MFGE8: variants seen among roughly 807,000 people sequenced by gnomAD.
MFGE8 encodes the protein lactadherin.
MFGE8 carries 34 observed loss-of-function variants against 42.6 expected under a neutral mutation model. The observed-to-expected ratio is 0.80, with a 90% CI of 0.61 to 1.06. MFGE8 has a LOEUF of 1.06. MFGE8 is among the 50% of genes least tolerant of loss of function. The probability of loss-of-function intolerance (pLI) is 0.00; values close to 1 mark genes in which losing one functional copy is unlikely to be tolerated. For missense variants in MFGE8, 510 were observed against 516.9 expected, an observed-to-expected ratio of 0.99 and a Z score of 0.13; for synonymous variants, 230 against 214.8, an observed-to-expected ratio of 1.07 and a Z score of -0.62.
At chr15:88,909,993 G>C in intron 1 of MFGE8, 70 bp from the exon 2 acceptor site, 2 of 1,592,580 alleles carry the variant, frequency 1.3e-6, no homozygotes, top group Non-Finnish European at 1.7e-6. Flanking sequence ...AGAAGTAGCA[G>C]ATGGGTCCAG....
chr15:88,900,243 GAA>G (rs5814347), intron 6 of MFGE8, among the ~76,000 whole-genome samples: 34 of 106,922 alleles, frequency 3.2e-4, no homozygotes, highest in African/African-American at 4.8e-4. Flanking sequence ...CTCTGTCTCA[GAA>G]AAAAAAAAAA....
At position 88,909,907 on chromosome 15, in the gene MFGE8, GT is replaced by G; in HGVS notation, c.89del (p.Asn30ThrfsTer64). 2.5e-6 allele frequency: 4 copies of G among 1,614,182 alleles called. No individual in the cohort carries two copies. The highest frequency in any genetic ancestry group is 3.4e-6 in the Non-Finnish European group (4 of 1,180,010). ...CGCATAAACCACCGTTGTGGCAGGG[GT>G]TTTTGGAACAGATATCTGGGGACAG... Reference protein sequence around the residue: ...LLVALDICSKNPCHNGGLCEE... With the variant: ...LLVALDICSKXPCHNGGLCEE... On this transcript the variant is annotated frameshift_variant, in exon 2 of 8. Transcript: ENST00000268150. LOFTEE classifies it high-confidence loss of function.
Position 88,905,965 on chromosome 15 carries a change from ACCT to A in MFGE8, c.541-67_541-65del. The A allele has an allele frequency of 6.3e-7, 1 of 1,592,442 alleles. No homozygotes were observed. The highest frequency in any genetic ancestry group is 8.6e-7 in the Non-Finnish European group (1 of 1,161,132). ...CTGAGCAGTCCCCCTCCCTGGGGTTACCTCATCTTCCTCTTCAGACCTGGGAGG... is the reference window on the plus strand; with the variant it reads ...CTGAGCAGTCCCCCTCCCTGGGGTTACATCTTCCTCTTCAGACCTGGGAGG... On this transcript the variant is annotated intron_variant, in intron 4 of 7. Transcript: ENST00000268150. The surrounding 1 kb of genome is among the most constrained non-coding windows in gnomAD (Gnocchi z 6.6).
rs1898277191 is a variant in MFGE8 at position 88,899,815 on chromosome 15, C to G, written c.871-4G>C. 6.2e-7 allele frequency: 1 copy of G among 1,613,950 alleles called. No homozygotes were observed. The highest frequency in any genetic ancestry group is 2.2e-5 in the East Asian group (1 of 44,884). On this transcript the variant is annotated splice_region_variant and splice_polypyrimidine_tract_variant and intron_variant, in intron 6 of 7. Transcript: ENST00000268150. This position sits in a 1 kb window ranked among gnomAD's most constrained non-coding sequence, Gnocchi z 6.8. Reference sequence around the variant, plus strand: ...CCTTCGAGGAGCCCAGGTCCACCTACAGAAGAAACCAACCACATTTTCTCT... The same window carrying G: ...CCTTCGAGGAGCCCAGGTCCACCTAGAGAAGAAACCAACCACATTTTCTCT...
Position 88,906,318 on chromosome 15 carries a change from C to T in MFGE8, c.540+308G>A, listed in dbSNP as rs1257837433. 2.1e-6 allele frequency: 1 copy of T among 469,434 alleles called. No homozygotes were observed. Among genetic ancestry groups the T allele is most frequent in the Non-Finnish European group, 3.9e-6 (1 of 254,840 alleles). The allele number at this position is 469,434 out of a possible 1,614,324, so 29.1% of individuals were successfully genotyped here. A position where few individuals can be genotyped will look rare whatever the true frequency, so the allele number is the denominator to read the frequency against. On this transcript the variant is annotated intron_variant, in intron 4 of 7. Transcript: ENST00000268150. The surrounding 1 kb of genome is among the most constrained non-coding windows in gnomAD (Gnocchi z 4.2). Reference sequence around the variant, plus strand: ...ACATCCTTGAGCAGTGTACAACCTACACAACTGTACATGTACCCATGAAGG... The same window carrying T: ...ACATCCTTGAGCAGTGTACAACCTATACAACTGTACATGTACCCATGAAGG...
rs1048031670 is a variant in MFGE8 at position 88,899,061 on chromosome 15, C to T, written c.*334G>A. The T allele has an allele frequency of 2.4e-5, 10 of 409,716 alleles. No homozygotes were observed. The highest frequency in any genetic ancestry group is 1.0e-4 in the East Asian group (2 of 19,136). 25.4% of individuals were successfully genotyped at this position (409,716 alleles called of 1,614,324 possible). A position where few individuals can be genotyped will look rare whatever the true frequency, so the allele number is the denominator to read the frequency against. ...AGGGGCTAGGAGAGACAGAGACACA[C>T]GCACCTGGGATCGGCGGTCCGGACA... On this transcript the variant is annotated 3_prime_UTR_variant, in exon 8 of 8. Transcript: ENST00000268150. This position sits in a 1 kb window ranked among gnomAD's most constrained non-coding sequence, Gnocchi z 6.8.
intron 1 of MFGE8, 133 bp from the exon 2 acceptor site, chr15:88,910,056 C>T: frequency 1.7e-6 from 2 of 1,156,652 alleles, no homozygotes; most frequent in Non-Finnish European, 2.6e-6. Context: ...TCTCCCTCTT[C>T]CCCCGTGTGC....
At chr15:88,901,869 C>T (rs1898452594) in intron 5 of MFGE8, 134 bp from the exon 6 acceptor site, 2 of 868,130 alleles carry the variant, frequency 2.3e-6, no homozygotes, top group Non-Finnish European at 3.7e-6. Flanking sequence ...CAGAAAGCAG[C>T]TCCATCCGCC....
Position 88,899,768 on chromosome 15 carries a change from T to C in MFGE8, c.914A>G (p.Gln305Arg). The C allele has an allele frequency of 6.2e-7, 1 of 1,614,094 alleles. No homozygotes were observed. The highest frequency in any genetic ancestry group is 8.5e-7 in the Non-Finnish European group (1 of 1,179,962). Reference sequence around the variant, plus strand: ...GACAGAGCCAAAGTTACGGGCCCCCTGGGTGATGATGCCTGTCACCTCCTT... The same window carrying C: ...GACAGAGCCAAAGTTACGGGCCCCCCGGGTGATGATGCCTGTCACCTCCTT... ...SSKEVTGIIT[Q>R]GARNFGSVQF... The change falls in exon 7 of 8, where the codon CAG becomes CGG. Residue 305 changes from glutamine (Q) to arginine (R), a missense_variant. Transcript: ENST00000268150. This position sits in a 1 kb window ranked among gnomAD's most constrained non-coding sequence, Gnocchi z 6.8.
chr15:88,909,768 C>T, intron 2 of MFGE8, 24 bp downstream of exon 2: 1 of 1,613,496 alleles, frequency 6.2e-7, no homozygotes, highest in South Asian at 1.1e-5. Context: ...TAGAAACAGG[C>T]AACAAGCACC....
At chr15:88,900,964 T>TACACACACATTCAC (rs767201372) in intron 6 of MFGE8, among the ~76,000 whole-genome samples, 4 of 82,632 alleles carry the variant, frequency 4.8e-5, no homozygotes, top group Admixed American at 1.4e-4. Flanking sequence ...TGTACACACA[T>TACACACACATTCAC]ACACACACAT....
At chr15:88,907,081 T>G in intron 3 of MFGE8, 114 bp downstream of exon 3, 3 of 1,344,136 alleles carry the variant, frequency 2.2e-6, no homozygotes, top group South Asian at 1.3e-5. Context: ...TGGGAACCTG[T>G]TACCTTGCCA....
chr15:88,912,933 A>G lies in MFGE8; in HGVS notation c.73+314T>C, dbSNP rs921094109. ...AAGTCAAACGCAGTTCCCTGGCCTC[A>G]TTTTTCACCAGGGAAAAGAGAGGCC... On this transcript the variant is annotated intron_variant, in intron 1 of 7. Coordinates refer to ENST00000268150, the MANE Select transcript of MFGE8 (RefSeq NM_005928.4). 3.0e-6 allele frequency: 3 copies of G among 985,208 alleles called. No homozygotes were observed. In the African/African-American group the frequency reaches 5.2e-5, roughly 17 times the overall value. 61.0% of individuals were successfully genotyped at this position (985,208 alleles called of 1,614,324 possible). A position where few individuals can be genotyped will look rare whatever the true frequency, so the allele number is the denominator to read the frequency against.
At chr15:88,900,998 C>CACACACACACAT (rs1898337726) in intron 6 of MFGE8, among the ~76,000 whole-genome samples, 1 of 144,480 alleles carries the variant, frequency 6.9e-6, no homozygotes, top group South Asian at 2.3e-4. Context: ...TTCACACACA[C>CACACACACACAT]ACATTCACAC....
chr15:88,900,167 G>A (rs1484310519), intron 6 of MFGE8, among the ~76,000 whole-genome samples: 1 of 151,688 alleles, frequency 6.6e-6, no homozygotes, highest in Non-Finnish European at 1.5e-5. Flanking sequence ...GCTTGAACCT[G>A]GGAGGCGGAG....
intron 2 of MFGE8, among the ~76,000 whole-genome samples, chr15:88,907,943 C>G (rs78671717): frequency 0.011 from 1,721 of 152,282 alleles, 34 homozygotes; most frequent in African/African-American, 0.038. Flanking sequence ...GCACTGTACA[C>G]AAAGAAAGAA....
At position 88,902,258 on chromosome 15, in the gene MFGE8, A is replaced by T. The variant is rs1244143545; in HGVS notation, c.686-523T>A. ...TGCCACCAAAAAAAAAAAGAAAAAA[A>T]AACACTAAATGAAGTAGAAATTAGT... On this transcript the variant is annotated intron_variant, in intron 5 of 7. Coordinates refer to ENST00000268150, the MANE Select transcript of MFGE8 (RefSeq NM_005928.4). This position sits in a 1 kb window ranked among gnomAD's most constrained non-coding sequence, Gnocchi z 4.3. The T allele has an allele frequency of 6.3e-6, 1 of 159,704 alleles. No homozygotes were observed. The highest frequency in any genetic ancestry group is 1.4e-5 in the Non-Finnish European group (1 of 72,084). The allele number at this position is 159,704 out of a possible 1,614,324, so 9.9% of individuals were successfully genotyped here.
chr15:88,908,254 CT>C (rs1898792174), intron 2 of MFGE8, among the ~76,000 whole-genome samples: 2 of 152,194 alleles, frequency 1.3e-5, no homozygotes, highest in African/African-American at 4.8e-5. Context: ...CAGATCTAGT[CT>C]TCCTCCAACA....
intron 1 of MFGE8, chr15:88,911,162 G>A (rs2141725817): frequency 6.5e-6 from 1 of 152,678 alleles, no homozygotes; most frequent in Admixed American, 6.5e-5. Context: ...GCAGAGGAGT[G>A]AAAAGGAAGG....
Sources: gnomAD v4.1 joint callset for allele counts (sites outside exome capture counted in the v4.1 genomes callset) on GRCh38, gnomAD v4.1.1 for gene constraint, Gnocchi (gnomAD v3.1) non-coding constraint, MANE v1.5 for transcripts, NCBI Gene and HGNC (gene_info 2026-07-23, HGNC 2026-07-21) for gene names.